Variants in PRKN observed in about 807,000 individuals in gnomAD.
PRKN encodes parkin RBR E3 ubiquitin protein ligase, also known as E3 ubiquitin-protein ligase parkin.
PRKN carries 56 observed loss-of-function variants against 59.5 expected under a neutral mutation model. The observed-to-expected ratio is 0.94, with a 90% CI of 0.76 to 1.18. The LOEUF is 1.18. Among genes scored for constraint, PRKN ranks in the 50% most tolerant of loss-of-function variants. The pLI is 0.00. For missense variants in PRKN, 657 were observed against 596.4 expected, an observed-to-expected ratio of 1.10 and a Z score of -1.06; for synonymous variants, 250 against 222.1, an observed-to-expected ratio of 1.13 and a Z score of -1.12.
Position 161,503,905 on chromosome 6 carries a change from T to C in PRKN, c.1083+44949A>G, listed in dbSNP as rs566824426. On this transcript the variant is annotated intron_variant, in intron 9 of 11. Transcript: ENST00000366898. This position sits in a 1 kb window ranked among gnomAD's most constrained non-coding sequence, Gnocchi z 5.1. Reference sequence around the variant, plus strand: ...CAGAGTCCCCTTCAGCCTTGATCATTGAGACACCCTAGACAGGGGGAAAGC... The same window carrying C: ...CAGAGTCCCCTTCAGCCTTGATCATCGAGACACCCTAGACAGGGGGAAAGC... Among the ~76,000 whole-genome samples the C allele has an allele frequency of 1.3e-5, 2 of 152,280 alleles. No individual in the cohort carries two copies. Among genetic ancestry groups the C allele is most frequent in the Admixed American group, 1.3e-4 (2 of 15,306 alleles).
intron 7 of PRKN, among the ~76,000 whole-genome samples, chr6:161,782,120 ATTAG>A (rs1318478215): frequency 6.6e-6 from 1 of 152,214 alleles, no homozygotes; most frequent in Non-Finnish European, 1.5e-5. Flanking sequence ...ACACAAGTCT[ATTAG>A]TTGTAGCAAT....
rs193111288 is a variant in PRKN at position 161,679,816 on chromosome 6, A to G, written c.871+105956T>C. On this transcript the variant is annotated intron_variant, in intron 7 of 11. Coordinates refer to ENST00000366898, the MANE Select transcript of PRKN (RefSeq NM_004562.3). ...GTCACCCAGGCTGGAGTGCAGTGGC[A>G]CGATCTCAGCTCACTGCAAGCTCCG... Among the ~76,000 whole-genome samples, 1,041 of 123,490 alleles carry G rather than the reference A, an allele frequency of 8.4e-3. 14 individuals are homozygous for G. The highest frequency in any genetic ancestry group is 0.03 in the African/African-American group (951 of 31,374). The allele number at this position is 123,490 out of a possible 152,430, so 81.0% of individuals were successfully genotyped here. A position where few individuals can be genotyped will look rare whatever the true frequency, so the allele number is the denominator to read the frequency against.
At chr6:162,303,215 A>C (rs4392700) in intron 2 of PRKN, among the ~76,000 whole-genome samples, 46,859 of 152,050 alleles carry the variant, frequency 0.31, 10,899 homozygotes, top group African/African-American at 0.63. Flanking sequence ...TAAGTTCCAT[A>C]AGTACTATGC....
chr6:162,296,854 AAAAAAGCATCG>A (rs1781698013), intron 2 of PRKN, among the ~76,000 whole-genome samples: 1 of 152,196 alleles, frequency 6.6e-6, no homozygotes, highest in African/African-American at 2.4e-5. Context: ...TGTTAACTAG[AAAAAAGCATCG>A]TTTCCATGCC....
rs1321128402 is a variant in PRKN, at chr6:161,407,621, T to C, written c.1084-20744A>G. ...GTTGGATGCAAAGCTGTCAGGCCTC[T>C]GAGTCGAAGCTCAGCCATTATAACC... On this transcript the variant is annotated intron_variant, in intron 9 of 11. Coordinates refer to ENST00000366898, the MANE Select transcript of PRKN (RefSeq NM_004562.3). This position sits in a 1 kb window ranked among gnomAD's most constrained non-coding sequence, Gnocchi z 4.9. Among the ~76,000 whole-genome samples, 1 of 152,200 alleles carries C rather than the reference T, an allele frequency of 6.6e-6. No individual in the cohort carries two copies. The highest frequency in any genetic ancestry group is 1.5e-5 in the Non-Finnish European group (1 of 68,038).
At chr6:162,719,471 C>G (rs558774797) in intron 1 of PRKN, among the ~76,000 whole-genome samples, 1 of 152,166 alleles carries the variant, frequency 6.6e-6, no homozygotes, top group African/African-American at 2.4e-5. Context: ...TCTAATTCTC[C>G]AAGGAGCAAA....
In PRKN at chr6:161,530,043, C is replaced by A. The variant is rs1351623774; in HGVS notation, c.1083+18811G>T. On this transcript the variant is annotated intron_variant, in intron 9 of 11. Coordinates refer to ENST00000366898, the MANE Select transcript of PRKN (RefSeq NM_004562.3). This position sits in a 1 kb window ranked among gnomAD's most constrained non-coding sequence, Gnocchi z 5.0. ...ACTTAAGAAGCATTTAAAAAAAAAA[C>A]CCTCATTCATTTCACACCACTCTGA... is the stretch of plus-strand genomic sequence containing the variant. 1.3e-5 allele frequency among the ~76,000 whole-genome samples: 2 copies of A among 149,594 alleles called. No homozygotes were observed. The highest frequency in any genetic ancestry group is 3.0e-5 in the Non-Finnish European group (2 of 67,260).
chr6:162,665,783 C>T (rs778148758), intron 1 of PRKN, among the ~76,000 whole-genome samples: 5 of 152,176 alleles, frequency 3.3e-5, no homozygotes, highest in African/African-American at 1.2e-4. Context: ...TCAAACTATA[C>T]TACAAGGGTA....
chr6:162,110,888 G>A (rs1014285769), intron 4 of PRKN, among the ~76,000 whole-genome samples: 10 of 152,104 alleles, frequency 6.6e-5, no homozygotes, highest in East Asian at 3.9e-4. Flanking sequence ...TGAGGAAAAC[G>A]GCAGGACAAA....
At chr6:161,645,951 AGGT>A (rs1783917394) in intron 7 of PRKN, among the ~76,000 whole-genome samples, 1 of 142,420 alleles carries the variant, frequency 7.0e-6, no homozygotes, top group Non-Finnish European at 1.6e-5. Context: ...GTGGCGGAGG[AGGT>A]GGCGTATCAG....
chr6:161,934,524 C>T (rs1347352185), intron 6 of PRKN, among the ~76,000 whole-genome samples: 2 of 152,212 alleles, frequency 1.3e-5, no homozygotes, highest in East Asian at 3.9e-4. Flanking sequence ...GCAAATTCCT[C>T]TGCCTTCTGT....
chr6:161,546,419 A>G lies in PRKN; in HGVS notation c.1083+2435T>C, dbSNP rs377458374. On this transcript the variant is annotated intron_variant, in intron 9 of 11. Coordinates refer to ENST00000366898, the MANE Select transcript of PRKN (RefSeq NM_004562.3). The surrounding 1 kb of genome is among the most constrained non-coding windows in gnomAD (Gnocchi z 4.4). ...CAAGTTAGGTGAATATCCTTCTGTGAAAGTTTGGGATTTGAAGACAAAGGG... is the reference window on the plus strand; with the variant it reads ...CAAGTTAGGTGAATATCCTTCTGTGGAAGTTTGGGATTTGAAGACAAAGGG... Among the ~76,000 whole-genome samples the G allele has an allele frequency of 1.3e-5, 2 of 152,198 alleles. No individual in the cohort carries two copies. Among genetic ancestry groups the G allele is most frequent in the East Asian group, 1.9e-4 (1 of 5,194 alleles).
chr6:162,658,179 C>A lies in PRKN; in HGVS notation c.7+69483G>T, dbSNP rs529836203. Among the ~76,000 whole-genome samples the A allele has an allele frequency of 1.4e-4, 22 of 152,228 alleles. No individual in the cohort carries two copies. The East Asian group carries it at 3.9e-3, about 27-fold the overall frequency. On this transcript the variant is annotated intron_variant, in intron 1 of 11. Coordinates refer to ENST00000366898, the MANE Select transcript of PRKN (RefSeq NM_004562.3). The stretch of plus-strand genomic sequence containing the variant: ...GTTTTTTGTTCCTATACATTTCTTA[C>A]AATATATTCTACTGGTCTTAAAGAA...
rs565086051 is a variant in PRKN, at chr6:161,518,117, C to T, written c.1083+30737G>A. Among the ~76,000 whole-genome samples, 8 of 152,318 alleles carry T rather than the reference C, an allele frequency of 5.3e-5. No homozygotes were observed. In the East Asian group the frequency reaches 1.5e-3, roughly 29 times the overall value. On this transcript the variant is annotated intron_variant, in intron 9 of 11. Transcript: ENST00000366898. This position sits in a 1 kb window ranked among gnomAD's most constrained non-coding sequence, Gnocchi z 5.0. ...CTCTCCAGATACCTTAGATGAAGGC[C>T]ACTGGCCTGGGGATGGGGCCGGGGG...
At chr6:162,204,153 T>G (rs1784841859) in intron 3 of PRKN, among the ~76,000 whole-genome samples, 2 of 152,202 alleles carry the variant, frequency 1.3e-5, no homozygotes, top group South Asian at 4.1e-4. Context: ...GCTTTTTAAG[T>G]GATTTGGTTA....
chr6:161,982,234 A>G (rs1354676898), intron 5 of PRKN, among the ~76,000 whole-genome samples: 1 of 125,962 alleles, frequency 7.9e-6, no homozygotes, highest in Non-Finnish European at 1.7e-5. Context: ...AGGTTTGCCC[A>G]CTGCTCAAGG....
intron 1 of PRKN, among the ~76,000 whole-genome samples, chr6:162,662,444 T>A (rs1778923457): frequency 6.6e-6 from 1 of 151,330 alleles, no homozygotes; most frequent in African/African-American, 2.5e-5. Context: ...CATTTATCTA[T>A]TTTTGTTTAT....
intron 2 of PRKN, 141 bp from the exon 3 acceptor site, chr6:162,262,906 C>T (rs552780361): frequency 9.5e-7 from 1 of 1,048,872 alleles, no homozygotes; most frequent in South Asian, 1.5e-5. Context: ...GCTCCTTTGC[C>T]CACAGCAGTT....
At chr6:161,732,449 T>C (rs917369978) in intron 7 of PRKN, among the ~76,000 whole-genome samples, 2 of 149,972 alleles carry the variant, frequency 1.3e-5, no homozygotes, top group African/African-American at 2.5e-5. Flanking sequence ...TGTGTTCTCA[T>C]TGTTCAGCTT....
Sources: gnomAD v4.1 joint callset for allele counts (sites outside exome capture counted in the v4.1 genomes callset) on GRCh38, gnomAD v4.1.1 for gene constraint, Gnocchi (gnomAD v3.1) non-coding constraint, MANE v1.5 for transcripts, NCBI Gene and HGNC (gene_info 2026-07-23, HGNC 2026-07-21) for gene names.